Variants in CACNA2D4 observed in about 807,000 individuals in gnomAD.
CACNA2D4 encodes voltage-dependent calcium channel subunit alpha-2/delta-4.
CACNA2D4 carries 157 observed loss-of-function variants against 163.8 expected under a neutral mutation model. The observed-to-expected ratio is 0.96, with a 90% CI of 0.84 to 1.09. The LOEUF is 1.09. Ranked by LOEUF, CACNA2D4 falls within the 50% of genes least tolerant of loss-of-function variation. The probability of loss-of-function intolerance (pLI) is 0.00; values close to 1 mark genes in which losing one functional copy is unlikely to be tolerated. For synonymous variants in CACNA2D4, 598 were observed against 586.9 expected, an observed-to-expected ratio of 1.02 and a Z score of -0.27; for missense variants, 1,410 against 1,479.9, an observed-to-expected ratio of 0.95 and a Z score of 0.78.
At chr12:1,880,404 G>A (rs975984696) in intron 13 of CACNA2D4, among the ~76,000 whole-genome samples, 3 of 152,236 alleles carry the variant, frequency 2.0e-5, no homozygotes, top group Non-Finnish European at 2.9e-5. Flanking sequence ...GGTGGGCTTC[G>A]GGGCCGTTCC....
intron 13 of CACNA2D4, among the ~76,000 whole-genome samples, chr12:1,881,175 G>A (rs945649003): frequency 4.6e-5 from 7 of 152,206 alleles, no homozygotes; most frequent in Non-Finnish European, 8.8e-5. Context: ...TGGTTGCAGG[G>A]GGCGGTTCTC....
chr12:1,847,762 T>C (rs1349382624), intron 23 of CACNA2D4, among the ~76,000 whole-genome samples: 1 of 152,200 alleles, frequency 6.6e-6, no homozygotes, highest in African/African-American at 2.4e-5. Context: ...CTGGTCTCAA[T>C]TCAGCCACTG....
intron 9 of CACNA2D4, 105 bp downstream of exon 9, chr12:1,885,860 A>G (rs753669089): frequency 2.5e-6 from 2 of 809,278 alleles, no homozygotes; most frequent in Non-Finnish European, 4.1e-6. Flanking sequence ...TCCAGGTGCC[A>G]TGGGAATAAG....
rs1476701657 is a variant in CACNA2D4, at chr12:1,828,187, G to T, written c.2551+12552C>A. ...GCAGCAGCCCTGGGCAGAGGGGCAGGCTCGCCCTGCAGTGGAGGCAAGTCT... is the reference window on the plus strand; with the variant it reads ...GCAGCAGCCCTGGGCAGAGGGGCAGTCTCGCCCTGCAGTGGAGGCAAGTCT... On this transcript the variant is annotated intron_variant, in intron 26 of 37. Coordinates refer to ENST00000382722, the MANE Select transcript of CACNA2D4 (RefSeq NM_172364.5). This position sits in a 1 kb window ranked among gnomAD's most constrained non-coding sequence, Gnocchi z 4.2. 1.8e-5 allele frequency: 28 copies of T among 1,547,002 alleles called. No individual in the cohort carries two copies. The highest frequency in any genetic ancestry group is 2.2e-5 in the Non-Finnish European group (25 of 1,145,460).
intron 18 of CACNA2D4, among the ~76,000 whole-genome samples, chr12:1,862,446 G>T (rs1865545319): frequency 1.3e-5 from 2 of 152,054 alleles, no homozygotes; most frequent in Non-Finnish European, 2.9e-5. Flanking sequence ...GTTTTGTTTT[G>T]TTTTGTTTTG....
In CACNA2D4 at chr12:1,795,439, G is replaced by C. The variant is rs1187450275; in HGVS notation, c.3227-58C>G. 8 of 1,517,896 alleles carry C rather than the reference G, an allele frequency of 5.3e-6. No homozygotes were observed. In the African/African-American group the frequency reaches 9.6e-5, roughly 18 times the overall value. The allele number at this position is 1,517,896 out of a possible 1,614,324, so 94.0% of individuals were successfully genotyped here. On this transcript the variant is annotated intron_variant, in intron 36 of 37. Coordinates refer to ENST00000382722, the MANE Select transcript of CACNA2D4 (RefSeq NM_172364.5). ...GGACCGGAGCCCATTCTGCAGACTG[G>C]AAAAAGGTCTGGAAGAACCTGCTCT... is the stretch of plus-strand genomic sequence containing the variant.
At chr12:1,796,941 C>T (rs1300532820) in intron 35 of CACNA2D4, among the ~76,000 whole-genome samples, 2 of 152,210 alleles carry the variant, frequency 1.3e-5, no homozygotes, top group Non-Finnish European at 2.9e-5. Context: ...CGCGGGGCTC[C>T]CAGCGACCCG....
chr12:1,857,547 A>G (rs1186536540), intron 20 of CACNA2D4, among the ~76,000 whole-genome samples: 1 of 152,194 alleles, frequency 6.6e-6, no homozygotes, highest in Non-Finnish European at 1.5e-5. Context: ...TACTCAGCAG[A>G]TAGCAGAGGG....
Position 1,797,482 on chromosome 12 carries a change from CGGG to C in CACNA2D4, c.3046_3048del (p.Pro1016del), listed in dbSNP as rs1221850690. ...CGGATGGCCGGCTGGTACACGAACA[CGGG>C]GTACTCCGTGTCGCAGGGCTGCAGC... is the stretch of plus-strand genomic sequence containing the variant. On this transcript the variant is annotated inframe_deletion, in exon 35 of 38. Coordinates refer to ENST00000382722, the MANE Select transcript of CACNA2D4 (RefSeq NM_172364.5). The C allele has an allele frequency of 6.3e-7, 1 of 1,585,794 alleles. No homozygotes were observed. Among genetic ancestry groups the C allele is most frequent in the Non-Finnish European group, 8.6e-7 (1 of 1,168,300 alleles).
At chr12:1,905,066 T>A (rs1866625155) in intron 6 of CACNA2D4, among the ~76,000 whole-genome samples, 1 of 152,006 alleles carries the variant, frequency 6.6e-6, no homozygotes. Context: ...GTTCAACATA[T>A]GAAAATTGAT....
chr12:1,856,770 C>A (rs955879171), intron 20 of CACNA2D4, among the ~76,000 whole-genome samples: 2 of 152,218 alleles, frequency 1.3e-5, no homozygotes, highest in Non-Finnish European at 2.9e-5. Context: ...GCTCAGTACA[C>A]GCTGTTGACT....
rs183668318 is a variant in CACNA2D4 at position 1,857,858 on chromosome 12, C to A, written c.2008+719G>T. The stretch of plus-strand genomic sequence containing the variant: ...GAAATAGGGTCTTGGCAGAAGTAAT[C>A]AAATTAAGATGAGATCATTAGGATA... On this transcript the variant is annotated intron_variant, in intron 20 of 37. Coordinates refer to ENST00000382722, the MANE Select transcript of CACNA2D4 (RefSeq NM_172364.5). Among the ~76,000 whole-genome samples the A allele has an allele frequency of 3.6e-3, 548 of 152,244 alleles. 2 individuals carry two copies. Among genetic ancestry groups the A allele is most frequent in the African/African-American group, 0.013 (534 of 41,520 alleles).
intron 26 of CACNA2D4, among the ~76,000 whole-genome samples, chr12:1,840,052 T>C (rs1327249835): frequency 1.3e-5 from 2 of 152,206 alleles, no homozygotes; most frequent in South Asian, 4.1e-4. Context: ...CTTTAATGTT[T>C]AGGCAAATCA....
In CACNA2D4 at chr12:1,886,322, C is replaced by G; in HGVS notation, c.894G>C (p.Val298=). The change falls in exon 8 of 38, where the codon GTG becomes GTC. Residue 298 remains valine (V), a synonymous_variant. Transcript: ENST00000382722. The part of the protein sequence containing the change: ...SPKDIVILVD[V]SGSMKGLRMT... ...TCCTCAGCCCCTTCATACTGCCGCT[C>G]ACGTCCACCAAAATCACTATGTCCT... 6.2e-7 allele frequency: 1 copy of G among 1,613,906 alleles called. No individual in the cohort carries two copies. Among genetic ancestry groups the G allele is most frequent in the African/African-American group, 1.3e-5 (1 of 75,042 alleles).
chr12:1,797,917 G>C (rs889900171), intron 34 of CACNA2D4, among the ~76,000 whole-genome samples: 1 of 152,164 alleles, frequency 6.6e-6, no homozygotes, highest in South Asian at 2.1e-4. Flanking sequence ...GGGTGGCTTG[G>C]GGGTACTTAG....
intron 1 of CACNA2D4, among the ~76,000 whole-genome samples, chr12:1,915,801 C>T (rs940145018): frequency 6.6e-6 from 1 of 152,236 alleles, no homozygotes; most frequent in Non-Finnish European, 1.5e-5. Context: ...CTGAGCCTCT[C>T]CAGATGGAGC....
chr12:1,819,237 G>T (rs918515686), intron 26 of CACNA2D4, among the ~76,000 whole-genome samples: 24 of 152,200 alleles, frequency 1.6e-4, no homozygotes, highest in Admixed American at 7.9e-4. Flanking sequence ...GAAGCAGGAA[G>T]TATGTTTATG....
Position 1,884,295 on chromosome 12 carries a change from C to A in CACNA2D4, c.1299G>T (p.Gly433=), listed in dbSNP as rs921953265. The A allele has an allele frequency of 6.2e-7, 1 of 1,612,668 alleles. No individual in the cohort carries two copies. The change falls in exon 12 of 38, where the codon GGG becomes GGT. Residue 433 remains glycine (G), a synonymous_variant. Coordinates refer to ENST00000382722, the MANE Select transcript of CACNA2D4 (RefSeq NM_172364.5). The part of the protein sequence containing the change: ...CKVRVFTYLI[G]REVSFADRMK... ...TGCGGTCAGCAAAAGACACTTCTCT[C>A]CCAATGAGGTAAGTGAAAACTCGGA... is the stretch of plus-strand genomic sequence containing the variant.
chr12:1,896,656 A>C (rs1007639421), intron 6 of CACNA2D4, among the ~76,000 whole-genome samples: 2 of 144,294 alleles, frequency 1.4e-5, no homozygotes, highest in Non-Finnish European at 1.5e-5. Context: ...CACACACACA[A>C]AACAGATGCT....
Sources: gnomAD v4.1 joint callset for allele counts (sites outside exome capture counted in the v4.1 genomes callset) on GRCh38, gnomAD v4.1.1 for gene constraint, Gnocchi (gnomAD v3.1) non-coding constraint, MANE v1.5 for transcripts, NCBI Gene and HGNC (gene_info 2026-07-23, HGNC 2026-07-21) for gene names.